The following DZIP1 variants were observed in gnomAD, a reference collection of about 807,000 sequenced individuals.
The protein encoded by DZIP1 is cilium assembly protein DZIP1.
A neutral mutation model predicts 107.6 loss-of-function variants in DZIP1; 97 were observed. The ratio of observed to expected loss-of-function variants is 0.90; its 90% CI spans 0.77 to 1.07. The LOEUF (loss-of-function observed/expected upper bound fraction) is 1.07. DZIP1 is among the 50% of genes least tolerant of loss of function. The pLI, the probability that DZIP1 is intolerant of heterozygous loss-of-function variation, is 0.00. For synonymous variants in DZIP1, 390 were observed against 386.4 expected, an observed-to-expected ratio of 1.01 and a Z score of -0.11; for missense variants, 1,035 against 1,063.6, an observed-to-expected ratio of 0.97 and a Z score of 0.37.
chr13:95,600,562 A>T (rs2044583302), intron 14 of DZIP1, among the ~76,000 whole-genome samples: 1 of 151,978 alleles, frequency 6.6e-6, no homozygotes, highest in Admixed American at 6.6e-5. Flanking sequence ...ATAGAGAGAG[A>T]GAGAGATGAT....
Position 95,584,552 on chromosome 13 carries a change from CA to C in DZIP1, c.2524+183del, listed in dbSNP as rs369770442. Reference sequence around the variant, plus strand: ...TAGTCCTATAATTAAATAAAAATAACAAGTAAATATATATGAATCAGTGAGT... The same window carrying C: ...TAGTCCTATAATTAAATAAAAATAACAGTAAATATATATGAATCAGTGAGT... On this transcript the variant is annotated intron_variant, in intron 22 of 22. Transcript: ENST00000376829. The C allele has an allele frequency of 9.0e-5, 102 of 1,134,038 alleles. No homozygotes were observed. In the African/African-American group the frequency reaches 1.5e-3, roughly 17 times the overall value. The allele number at this position is 1,134,038 out of a possible 1,614,324, so 70.2% of individuals were successfully genotyped here.
At chr13:95,634,351 C>T (rs1877550772) in intron 5 of DZIP1, among the ~76,000 whole-genome samples, 1 of 152,208 alleles carries the variant, frequency 6.6e-6, no homozygotes, top group South Asian at 2.1e-4. Flanking sequence ...TCTTTTCATC[C>T]TCATACATCT....
chr13:95,641,915 G>A lies in DZIP1; in HGVS notation c.37-60C>T, dbSNP rs753900759. Reference sequence around the variant, plus strand: ...GGGGATGGGGGGCGGGCAGGCTGGGGAGCTGGGGGTCCGGGGAAGCCCCGG... The same window carrying A: ...GGGGATGGGGGGCGGGCAGGCTGGGAAGCTGGGGGTCCGGGGAAGCCCCGG... On this transcript the variant is annotated intron_variant, in intron 4 of 22. Coordinates refer to ENST00000376829, the MANE Select transcript of DZIP1 (RefSeq NM_198968.4). The surrounding 1 kb of genome is among the most constrained non-coding windows in gnomAD (Gnocchi z 4.3). 2.1e-6 allele frequency: 3 copies of A among 1,403,036 alleles called. No individual in the cohort carries two copies. Among genetic ancestry groups the A allele is most frequent in the African/African-American group, 3.0e-5 (2 of 65,916 alleles). 86.9% of individuals were successfully genotyped at this position (1,403,036 alleles called of 1,614,324 possible).
chr13:95,639,607 AGAG>A lies in DZIP1; in HGVS notation c.597+1685_597+1687del, dbSNP rs1227279188. Among the ~76,000 whole-genome samples the A allele has an allele frequency of 6.2e-5, 8 of 129,004 alleles. No homozygotes were observed. The South Asian group carries it at 7.9e-4, about 13-fold the overall frequency. 84.6% of individuals were successfully genotyped at this position (129,004 alleles called of 152,430 possible). ...CTCCATCTCAAAAAAAAAAAAAAAA[AGAG>A]AGAGAGAGAGAAAGAGAAAGAAAGA... On this transcript the variant is annotated intron_variant, in intron 5 of 22. Transcript: ENST00000376829.
chr13:95,611,535 G>C (rs371157071), intron 11 of DZIP1, 42 bp from the exon 12 acceptor site: 8 of 1,453,938 alleles, frequency 5.5e-6, no homozygotes, highest in Middle Eastern at 3.5e-4. Context: ...TTTGAAATTA[G>C]ATAGGGACAC....
At chr13:95,643,779 C>G in intron 1 of DZIP1, 81 bp from the exon 2 acceptor site, 1 of 152,514 alleles carries the variant, frequency 6.6e-6, no homozygotes, top group Non-Finnish European at 1.5e-5. Flanking sequence ...ATGACTTAGG[C>G]GCTTAGTTAA....
intron 13 of DZIP1, among the ~76,000 whole-genome samples, chr13:95,606,586 T>C (rs1270178307): frequency 6.6e-6 from 1 of 152,258 alleles, no homozygotes; most frequent in Non-Finnish European, 1.5e-5. Context: ...TGTATTTTTA[T>C]GGGCAAATAA....
At position 95,617,253 on chromosome 13, in the gene DZIP1, A is replaced by G. The variant is rs566713290; in HGVS notation, c.1173+2632T>C. ...TCCCAGGCCCTTCCTGAAGCGGGAGAATGAAAGCAAGAGAGACACACTCTA... is the reference window on the plus strand; with the variant it reads ...TCCCAGGCCCTTCCTGAAGCGGGAGGATGAAAGCAAGAGAGACACACTCTA... On this transcript the variant is annotated intron_variant, in intron 10 of 22. Transcript: ENST00000376829. Among the ~76,000 whole-genome samples the G allele has an allele frequency of 7.9e-4, 120 of 152,022 alleles. 4 individuals carry two copies. The South Asian group carries it at 0.025, about 31-fold the overall frequency.
rs2044376479 is a variant in DZIP1, at chr13:95,593,967, G to A, written c.1657C>T (p.Leu553=). The A allele has an allele frequency of 1.2e-6, 2 of 1,609,258 alleles. No individual in the cohort carries two copies. The highest frequency in any genetic ancestry group is 1.7e-6 in the Non-Finnish European group (2 of 1,178,478). ...TMVEQNLMEK[L]ETLGINADIR... Reference sequence around the variant, plus strand: ...ACTGCATTAATCCCCAAGGTTTCCAGTTTCTCCATCAAGTTCTGCTCCACC... The same window carrying A: ...ACTGCATTAATCCCCAAGGTTTCCAATTTCTCCATCAAGTTCTGCTCCACC... Residue 553 remains leucine (L), a synonymous_variant, in exon 16 of 23, where the codon CTG becomes TTG. Coordinates refer to ENST00000376829, the MANE Select transcript of DZIP1 (RefSeq NM_198968.4).
chr13:95,641,408 G>T lies in DZIP1; in HGVS notation c.484C>A (p.Leu162Met). The change falls in exon 5 of 23, where the codon CTG becomes ATG. Residue 162 changes from leucine (L) to methionine (M), a missense_variant. By Grantham distance (15) the Leu-to-Met change is conservative. Coordinates refer to ENST00000376829, the MANE Select transcript of DZIP1 (RefSeq NM_198968.4). This position sits in a 1 kb window ranked among gnomAD's most constrained non-coding sequence, Gnocchi z 4.3. The part of the protein sequence containing the change: ...SHCDGEQSKK[L>M]LTKQAGEIKT... ...ATCTCCCCCGCCTGCTTGGTGAGCA[G>T]CTTCTTGCTCTGCTCGCCGTCGCAG... 1 of 1,614,140 alleles carries T rather than the reference G, an allele frequency of 6.2e-7. No homozygotes were observed. The highest frequency in any genetic ancestry group is 8.5e-7 in the Non-Finnish European group (1 of 1,179,996).
intron 10 of DZIP1, among the ~76,000 whole-genome samples, chr13:95,618,985 A>G (rs573188989): frequency 6.6e-6 from 1 of 152,368 alleles, no homozygotes; most frequent in African/African-American, 2.4e-5. Context: ...GGTGAAAGAG[A>G]ATCAGTGTCA....
intron 20 of DZIP1, among the ~76,000 whole-genome samples, chr13:95,587,042 G>A (rs1375750234): frequency 1.3e-5 from 2 of 152,192 alleles, no homozygotes; most frequent in Non-Finnish European, 2.9e-5. Flanking sequence ...CACAGTCTTT[G>A]CAAAGGAAAT....
chr13:95,639,590 CA>C (rs34000481), intron 5 of DZIP1, among the ~76,000 whole-genome samples: 59 of 85,586 alleles, frequency 6.9e-4, no homozygotes, highest in Middle Eastern at 0.015. Flanking sequence ...GACTCCATCT[CA>C]AAAAAAAAAA....
intron 6 of DZIP1, among the ~76,000 whole-genome samples, chr13:95,631,048 T>C (rs1877132763): frequency 6.6e-6 from 1 of 152,160 alleles, no homozygotes; most frequent in Admixed American, 6.5e-5. Context: ...ATTTCCTAAG[T>C]AATCTATTTA....
At chr13:95,625,078 G>C in intron 7 of DZIP1, 149 bp from the exon 8 acceptor site, 1 of 721,974 alleles carries the variant, frequency 1.4e-6, no homozygotes, top group Non-Finnish European at 2.2e-6. Context: ...TATCATGGCA[G>C]GTCTGTGCAC....
intron 5 of DZIP1, among the ~76,000 whole-genome samples, chr13:95,635,150 A>G (rs1877639715): frequency 6.7e-6 from 1 of 150,302 alleles, no homozygotes; most frequent in Admixed American, 6.6e-5. Context: ...GTGTAACTGC[A>G]TCCAGACTTC....
intron 17 of DZIP1, 80 bp from the exon 18 acceptor site, chr13:95,590,012 C>T (rs1157191908): frequency 1.1e-5 from 16 of 1,492,912 alleles, no homozygotes; most frequent in Non-Finnish European, 1.4e-5. Flanking sequence ...GTATAATACC[C>T]CCTATGCTGC....
Position 95,590,417 on chromosome 13 carries a change from G to A in DZIP1, c.1705C>T (p.Gln569Ter). 1 of 1,607,722 alleles carries A rather than the reference G, an allele frequency of 6.2e-7. No homozygotes were observed. Among genetic ancestry groups the A allele is most frequent in the Non-Finnish European group, 8.5e-7 (1 of 1,178,268 alleles). ...ACACTTTTTAGTACTCTATGCAACT[G>A]ATCACTTGAAATGCCACGTATATCC... ...NADIRGISSD[Q>*]LHRVLKSVES... The change falls in exon 17 of 23, where the codon CAG (glutamine) becomes TAG (stop). Residue 569 changes from glutamine to a stop codon, truncating the protein, a stop_gained. Coordinates refer to ENST00000376829, the MANE Select transcript of DZIP1 (RefSeq NM_198968.4). LOFTEE classifies it high-confidence loss of function.
chr13:95,609,613 T>C (rs1162627400), intron 12 of DZIP1, 100 bp from the exon 13 acceptor site: 6 of 734,618 alleles, frequency 8.2e-6, no homozygotes, highest in Non-Finnish European at 1.3e-5. Flanking sequence ...AAAACATAAA[T>C]GAAATGTACC....
Sources: allele counts gnomAD v4.1 joint callset (sites outside exome capture counted in the v4.1 genomes callset), GRCh38; gene constraint gnomAD v4.1.1; non-coding constraint Gnocchi (gnomAD v3.1); transcripts MANE v1.5; gene names NCBI Gene and HGNC (gene_info 2026-07-23, HGNC 2026-07-21).